The following TENM2 variants were observed in gnomAD, a reference collection of about 807,000 sequenced individuals.
The protein encoded by TENM2 is teneurin transmembrane protein 2, also known as teneurin-2.
In TENM2, 52 loss-of-function variants were observed where a neutral mutation model predicts 245.2. The ratio of observed to expected loss-of-function variants is 0.21; its 90% CI spans 0.17 to 0.27. The LOEUF (loss-of-function observed/expected upper bound fraction) is 0.27, where lower values mean the gene tolerates loss of function less well. Among genes scored for constraint, TENM2 ranks in the 10% least tolerant of loss-of-function variants. The probability of loss-of-function intolerance (pLI) is 1.00; values close to 1 mark genes in which losing one functional copy is unlikely to be tolerated. For synonymous variants in TENM2, 1,363 were observed against 1,438.9 expected, an observed-to-expected ratio of 0.95 and a Z score of 1.19; for missense variants, 3,046 against 3,666.8, an observed-to-expected ratio of 0.83 and a Z score of 4.37.
At chr5:168,097,071 G>A (rs1222571674) in intron 8 of TENM2, among the ~76,000 whole-genome samples, 1 of 152,128 alleles carries the variant, frequency 6.6e-6, no homozygotes, top group African/African-American at 2.4e-5. Context: ...AAGCATAAAA[G>A]GACATTTGTA....
the TENM2 span, among the ~76,000 whole-genome samples, chr5:167,019,077 C>T: frequency 6.6e-6 from 1 of 152,314 alleles, no homozygotes; most frequent in Admixed American, 6.5e-5. Context: ...ACCTATGCTA[C>T]TCATTCATCT....
intron 2 of TENM2, among the ~76,000 whole-genome samples, chr5:167,617,021 A>G (rs559242535): frequency 2.0e-4 from 30 of 152,290 alleles, no homozygotes; most frequent in African/African-American, 7.2e-4. Flanking sequence ...TTGTGATATA[A>G]TCTGCTGTAA....
Position 167,856,762 on chromosome 5 carries a change from C to T in TENM2, c.503-19224C>T, listed in dbSNP as rs866126226. 8.5e-5 allele frequency among the ~76,000 whole-genome samples: 13 copies of T among 152,262 alleles called. No individual in the cohort carries two copies. The Middle Eastern group carries it at 0.01, about 120-fold the overall frequency. Reference sequence around the variant, plus strand: ...AGGACTGGAACTGAATTTAAAGGGCCTACAATCCTACTTCCCACTGAATGC... The same window carrying T: ...AGGACTGGAACTGAATTTAAAGGGCTTACAATCCTACTTCCCACTGAATGC... On this transcript the variant is annotated intron_variant, in intron 2 of 28. Transcript: ENST00000518659.
intron 2 of TENM2, among the ~76,000 whole-genome samples, chr5:167,644,017 T>C (rs1779775191): frequency 1.3e-5 from 2 of 152,320 alleles, no homozygotes; most frequent in South Asian, 4.1e-4. Flanking sequence ...GAAGGATTGC[T>C]GCAATATTTA....
chr5:167,445,098 T>C (rs758136713), intron 2 of TENM2, among the ~76,000 whole-genome samples: 17 of 152,008 alleles, frequency 1.1e-4, no homozygotes, highest in Non-Finnish European at 2.4e-4. Flanking sequence ...GTAATAGTAG[T>C]AGCACTTGTA....
At chr5:167,261,391 C>T in the TENM2 span, among the ~76,000 whole-genome samples, 158 of 152,218 alleles carry the variant, frequency 1.0e-3, no homozygotes, top group Middle Eastern at 3.4e-3. Flanking sequence ...CTCCTTATCA[C>T]TGTTTTCAGA....
intron 2 of TENM2, among the ~76,000 whole-genome samples, chr5:167,650,623 G>T (rs1754395705): frequency 6.6e-6 from 1 of 152,112 alleles, no homozygotes; most frequent in East Asian, 1.9e-4. Flanking sequence ...AACAACTGCA[G>T]AAAATACAAT....
intron 2 of TENM2, among the ~76,000 whole-genome samples, chr5:167,420,269 C>T (rs763934685): frequency 1.3e-5 from 2 of 152,158 alleles, no homozygotes; most frequent in African/African-American, 4.8e-5. Context: ...ATCCAGTTCT[C>T]AAAAACAATC....
chr5:167,633,588 G>A (rs997476045), intron 2 of TENM2, among the ~76,000 whole-genome samples: 3 of 152,170 alleles, frequency 2.0e-5, no homozygotes, highest in African/African-American at 7.2e-5. Context: ...CTCTCCAAGT[G>A]TTAGCTTAAG....
chr5:167,351,758 C>T (rs1301517210), intron 1 of TENM2, among the ~76,000 whole-genome samples: 1 of 151,886 alleles, frequency 6.6e-6, no homozygotes, highest in Non-Finnish European at 1.5e-5. Flanking sequence ...GTTTGCTGGC[C>T]CCAAGTCATT....
chr5:168,020,241 C>T (rs1205523660), intron 5 of TENM2, among the ~76,000 whole-genome samples: 2 of 152,122 alleles, frequency 1.3e-5, no homozygotes, highest in Non-Finnish European at 1.5e-5. Flanking sequence ...AAGGTGACAC[C>T]CGAGACTTCT....
chr5:167,028,551 ATTTCT>A, the TENM2 span, among the ~76,000 whole-genome samples: 5 of 152,070 alleles, frequency 3.3e-5, no homozygotes, highest in African/African-American at 9.7e-5. Context: ...TCTTTACCAA[ATTTCT>A]TTTGTGAATT....
At chr5:167,816,044 A>C (rs1310145445) in intron 2 of TENM2, among the ~76,000 whole-genome samples, 1 of 151,894 alleles carries the variant, frequency 6.6e-6, no homozygotes, top group African/African-American at 2.4e-5. Flanking sequence ...TCAGAAAGAG[A>C]GAGTTGCCCT....
intron 1 of TENM2, among the ~76,000 whole-genome samples, chr5:167,354,284 G>A (rs905418725): frequency 6.6e-6 from 1 of 152,196 alleles, no homozygotes; most frequent in Non-Finnish European, 1.5e-5. Flanking sequence ...TCTTGCTTTT[G>A]TGCTCATGGC....
intron 2 of TENM2, among the ~76,000 whole-genome samples, chr5:167,612,589 A>G (rs1777546694): frequency 6.6e-6 from 1 of 152,178 alleles, no homozygotes; most frequent in Admixed American, 6.5e-5. Flanking sequence ...TAAATGTCAA[A>G]TTGAGATTTG....
chr5:168,044,393 G>A, intron 5 of TENM2, among the ~76,000 whole-genome samples: 1 of 152,128 alleles, frequency 6.6e-6, no homozygotes, highest in South Asian at 2.1e-4. Flanking sequence ...AAAAGAAAAG[G>A]TTCAATGATT....
chr5:167,299,763 G>A (rs1755194620), intron 1 of TENM2, among the ~76,000 whole-genome samples: 1 of 152,118 alleles, frequency 6.6e-6, no homozygotes, highest in African/African-American at 2.4e-5. Context: ...GAGAGATGCA[G>A]TCATGAGGGT....
At chr5:167,218,523 T>C in the TENM2 span, among the ~76,000 whole-genome samples, 37 of 152,240 alleles carry the variant, frequency 2.4e-4, no homozygotes, top group African/African-American at 8.7e-4. Flanking sequence ...GTTTCAGTTG[T>C]TTAAAAGGAT....
chr5:167,631,294 C>T (rs908262395), intron 2 of TENM2, among the ~76,000 whole-genome samples: 15 of 152,210 alleles, frequency 9.9e-5, no homozygotes, highest in African/African-American at 2.4e-4. Context: ...GGCTATTTCA[C>T]GGCAGATGGT....
Sources: gnomAD v4.1 joint callset for allele counts (sites outside exome capture counted in the v4.1 genomes callset) on GRCh38, gnomAD v4.1.1 for gene constraint, MANE v1.5 for transcripts, NCBI Gene and HGNC (gene_info 2026-07-23, HGNC 2026-07-21) for gene names.